YWHAQ: variants seen among roughly 807,000 people sequenced by gnomAD.
The protein encoded by YWHAQ is tyrosine 3-monooxygenase/tryptophan 5-monooxygenase activation protein theta, also known as 14-3-3 protein theta.
Under a neutral mutation model 28.3 loss-of-function variants are expected in YWHAQ, and 6 were observed. That is an observed-to-expected ratio of 0.21 (90% CI 0.12 to 0.42). The LOEUF (loss-of-function observed/expected upper bound fraction) is 0.42, where lower values mean the gene tolerates loss of function less well. YWHAQ is among the 10% of genes least tolerant of loss of function. The probability of loss-of-function intolerance (pLI) is 1.00; values close to 1 mark genes in which losing one functional copy is unlikely to be tolerated. For missense variants in YWHAQ, 201 were observed against 305.6 expected (o/e 0.66, Z 2.55); for synonymous variants, 143 against 119.1 (o/e 1.20, Z -1.31).
intron 2 of YWHAQ, chr2:9,615,503 ATGAG>A (rs1201080996): frequency 6.6e-6 from 1 of 152,200 alleles, no homozygotes; most frequent in Non-Finnish European, 1.5e-5. Context: ...AGAGGGAACA[ATGAG>A]TGAGAAAAGA....
chr2:9,603,465 G>C (rs1666755228), intron 2 of YWHAQ, among the ~76,000 whole-genome samples: 1 of 150,744 alleles, frequency 6.6e-6, no homozygotes, highest in South Asian at 2.1e-4. Flanking sequence ...AGAAGAGACG[G>C]GGTTTCTCCA....
chr2:9,604,614 C>T (rs1666780632), intron 2 of YWHAQ, among the ~76,000 whole-genome samples: 1 of 152,128 alleles, frequency 6.6e-6, no homozygotes, highest in Admixed American at 6.6e-5. Flanking sequence ...CACAACCAAA[C>T]ATGGATCACA....
chr2:9,608,147 G>C (rs73913145), intron 2 of YWHAQ, among the ~76,000 whole-genome samples: 4,955 of 152,094 alleles, frequency 0.033, 284 homozygotes, highest in African/African-American at 0.11. Flanking sequence ...TTCTGGTTCC[G>C]GCAACACAGT....
Position 9,597,985 on chromosome 2 carries a change from ATTTTTTTTTTTTTTTT to A in YWHAQ, c.295-6486_295-6471del, listed in dbSNP as rs547582835. 3.4e-3 allele frequency among the ~76,000 whole-genome samples: 214 copies of A among 62,486 alleles called. 1 individual carries two copies. Among genetic ancestry groups the A allele is most frequent in the African/African-American group, 0.012 (205 of 16,684 alleles). 41.0% of individuals were successfully genotyped at this position (62,486 alleles called of 152,430 possible). ...CAGGCATGCACCACCATGCCGGGCT[ATTTTTTTTTTTTTTTT>A]TTTTTTTTTTTTAGTAGAGACAAGG... On this transcript the variant is annotated intron_variant, in intron 2 of 5. Coordinates refer to ENST00000238081, the MANE Select transcript of YWHAQ (RefSeq NM_006826.4).
chr2:9,586,557 G>T (rs1666347660), intron 5 of YWHAQ, among the ~76,000 whole-genome samples: 3 of 152,170 alleles, frequency 2.0e-5, no homozygotes, highest in Admixed American at 6.5e-5. Context: ...TTCCTCTGTA[G>T]AACTATTTGC....
At chr2:9,618,931 C>A (rs775686479) in intron 2 of YWHAQ, among the ~76,000 whole-genome samples, 1 of 152,042 alleles carries the variant, frequency 6.6e-6, no homozygotes, top group African/African-American at 2.4e-5. Context: ...TGACCTCCAC[C>A]CTTCCCCTTA....
At chr2:9,628,181 C>T (rs1024021329) in intron 2 of YWHAQ, among the ~76,000 whole-genome samples, 7 of 152,138 alleles carry the variant, frequency 4.6e-5, no homozygotes, top group Non-Finnish European at 1.0e-4. Context: ...TATAGGTTGG[C>T]CACCAAGCCC....
intron 2 of YWHAQ, among the ~76,000 whole-genome samples, chr2:9,617,878 G>A (rs1384117112): frequency 6.6e-6 from 1 of 151,676 alleles, no homozygotes. Context: ...AGTGAGTCAT[G>A]ACCGTGCCAT....
At chr2:9,602,733 A>G (rs1034455402) in intron 2 of YWHAQ, among the ~76,000 whole-genome samples, 4 of 149,192 alleles carry the variant, frequency 2.7e-5, no homozygotes, top group African/African-American at 9.8e-5. Flanking sequence ...GGGTCTCATC[A>G]TCTTGCACAG....
chr2:9,627,863 T>C (rs1005196859), intron 2 of YWHAQ, among the ~76,000 whole-genome samples: 9 of 152,172 alleles, frequency 5.9e-5, no homozygotes, highest in Non-Finnish European at 8.8e-5. Context: ...ATTCCTTTAA[T>C]ACTGACACCT....
intron 4 of YWHAQ, among the ~76,000 whole-genome samples, 181 bp from the exon 5 acceptor site, chr2:9,587,690 A>G (rs1236547616): frequency 1.3e-5 from 2 of 152,252 alleles, no homozygotes; most frequent in Non-Finnish European, 2.9e-5. Flanking sequence ...CTGGAATTTT[A>G]TAAAACTATA....
chr2:9,616,085 T>C (rs572238598), intron 2 of YWHAQ, among the ~76,000 whole-genome samples: 3 of 152,126 alleles, frequency 2.0e-5, no homozygotes, highest in Non-Finnish European at 4.4e-5. Context: ...TACAGTAGAG[T>C]AATGGAAACA....
intron 2 of YWHAQ, among the ~76,000 whole-genome samples, chr2:9,594,819 G>A (rs1267998681): frequency 6.6e-6 from 1 of 152,198 alleles, no homozygotes; most frequent in East Asian, 1.9e-4. Context: ...GAGGAGTAGG[G>A]AAGAGAGAAA....
intron 2 of YWHAQ, among the ~76,000 whole-genome samples, chr2:9,593,350 A>G (rs1465096197): frequency 6.7e-6 from 1 of 150,300 alleles, no homozygotes; most frequent in Non-Finnish European, 1.5e-5. Flanking sequence ...CTGGGACTAC[A>G]GGCGCACACC....
chr2:9,602,862 A>AAAAAAATATAT (rs1666739720), intron 2 of YWHAQ, among the ~76,000 whole-genome samples: 1 of 20,872 alleles, frequency 4.8e-5, no homozygotes, highest in Non-Finnish European at 7.7e-5. Context: ...AAAAAAAAAA[A>AAAAAAATATAT]ATATATATAT....
chr2:9,621,109 C>A (rs542954710), intron 2 of YWHAQ, among the ~76,000 whole-genome samples: 2 of 152,236 alleles, frequency 1.3e-5, no homozygotes, highest in South Asian at 2.1e-4. Flanking sequence ...TGGAATACTA[C>A]AATAGGTTGA....
Position 9,585,240 on chromosome 2 carries a change from G to A in YWHAQ, c.*46C>T, listed in dbSNP as rs777255377. On this transcript the variant is annotated 3_prime_UTR_variant, in exon 6 of 6. Coordinates refer to ENST00000238081, the MANE Select transcript of YWHAQ (RefSeq NM_006826.4). ...CAAGTGGAATAAGGAATGGAGATGT[G>A]TAAAAAGGTTTCTTGAAGGAAAGAA... 3.7e-6 allele frequency: 6 copies of A among 1,605,724 alleles called. No homozygotes were observed. The highest frequency in any genetic ancestry group is 4.5e-5 in the East Asian group (2 of 44,806).
At chr2:9,616,027 C>T (rs1242104231) in intron 2 of YWHAQ, among the ~76,000 whole-genome samples, 2 of 152,056 alleles carry the variant, frequency 1.3e-5, no homozygotes, top group East Asian at 3.9e-4. Context: ...AATTGCATTT[C>T]GTAGGATGGG....
chr2:9,608,362 A>T (rs993379631), intron 2 of YWHAQ, among the ~76,000 whole-genome samples: 4 of 152,328 alleles, frequency 2.6e-5, no homozygotes, highest in African/African-American at 9.6e-5. Context: ...GAGGAGGGTG[A>T]GGACCCTAGA....
Sources: gnomAD v4.1 joint callset for allele counts (sites outside exome capture counted in the v4.1 genomes callset) on GRCh38, gnomAD v4.1.1 for gene constraint, MANE v1.5 for transcripts, NCBI Gene and HGNC (gene_info 2026-07-23, HGNC 2026-07-21) for gene names.